The following EML6 variants were observed in gnomAD, a reference collection of about 807,000 sequenced individuals.
The protein encoded by EML6 is echinoderm microtubule-associated protein-like 6.
A neutral mutation model predicts 240.1 loss-of-function variants in EML6; 154 were observed. The observed-to-expected ratio is 0.64, with a 90% confidence interval of 0.56 to 0.73. EML6 has a LOEUF of 0.73. Among genes scored for constraint, EML6 ranks in the 30% least tolerant of loss-of-function variants. The pLI is 0.00. For synonymous variants in EML6, 1,148 were observed against 899.0 expected (o/e 1.28, Z -4.95); for missense variants, 2,964 against 2,474.6 (o/e 1.20, Z -4.20).
intron 16 of EML6, among the ~76,000 whole-genome samples, chr2:54,873,093 T>C (rs1253313644): frequency 6.6e-6 from 1 of 152,250 alleles, no homozygotes; most frequent in East Asian, 1.9e-4. Flanking sequence ...TTCTGCTTAA[T>C]GCACTTTGTC....
Position 54,844,265 on chromosome 2 carries a change from G to A in EML6, c.1049+17G>A, listed in dbSNP as rs1341442003. ...CTCTGTCAGGTGAGGCCCTACCGCC[G>A]TCACCTCTCTGACTTCTTTGAGATG... On this transcript the variant is annotated intron_variant, in intron 8 of 41. Coordinates refer to ENST00000356458, the MANE Select transcript of EML6 (RefSeq NM_001039753.4). The A allele has an allele frequency of 7.1e-6, 11 of 1,543,938 alleles. No homozygotes were observed. Among genetic ancestry groups the A allele is most frequent in the East Asian group, 4.9e-5 (2 of 40,882 alleles).
Position 54,883,704 on chromosome 2 carries a change from T to G in EML6, c.2438+4064T>G, listed in dbSNP as rs145392932. On this transcript the variant is annotated intron_variant, in intron 17 of 41. Coordinates refer to ENST00000356458, the MANE Select transcript of EML6 (RefSeq NM_001039753.4). The stretch of plus-strand genomic sequence containing the variant: ...TCTGACAAACTCTTTGTATTTTGTT[T>G]TGCTTACACATACACACATGCACAT... Among the ~76,000 whole-genome samples the G allele has an allele frequency of 3.3e-3, 508 of 152,288 alleles. 3 individuals carry two copies. Among genetic ancestry groups the G allele is most frequent in the African/African-American group, 0.012 (483 of 41,554 alleles).
rs1490913208 is a variant in EML6 at position 54,853,868 on chromosome 2, G to C, written c.1657+13G>C. The C allele has an allele frequency of 6.6e-7, 1 of 1,525,242 alleles. No homozygotes were observed. The highest frequency in any genetic ancestry group is 8.9e-7 in the Non-Finnish European group (1 of 1,123,986). 94.5% of individuals were successfully genotyped at this position (1,525,242 alleles called of 1,614,324 possible). On this transcript the variant is annotated intron_variant, in intron 11 of 41. Coordinates refer to ENST00000356458, the MANE Select transcript of EML6 (RefSeq NM_001039753.4). ...TGTCTCAAGAGAGGTAAGGCCAAAA[G>C]AGATGTTTCATTGCATAAAGATTTA...
chr2:54,892,478 G>T lies in EML6; in HGVS notation c.2564G>T (p.Gly855Val). ...GGTGGGGGCTTCACTTCTAAAAGAGGAACTTTTGGAAGCGTTGGAAAATTG... is the reference window on the plus strand; with the variant it reads ...GGTGGGGGCTTCACTTCTAAAAGAGTAACTTTTGGAAGCGTTGGAAAATTG... ...QAGGGFTSKR[G>V]TFGSVGKLET... The change falls in exon 19 of 42, where the codon GGA becomes GTA. Residue 855 changes from glycine (G) to valine (V), a missense_variant. Coordinates refer to ENST00000356458, the MANE Select transcript of EML6 (RefSeq NM_001039753.4). The T allele has an allele frequency of 6.4e-7, 1 of 1,551,220 alleles. No homozygotes were observed. Among genetic ancestry groups the T allele is most frequent in the Non-Finnish European group, 8.7e-7 (1 of 1,146,614 alleles).
chr2:54,771,781 G>A (rs1310243780), intron 2 of EML6, among the ~76,000 whole-genome samples: 4 of 152,126 alleles, frequency 2.6e-5, no homozygotes, highest in African/African-American at 9.7e-5. Flanking sequence ...TTATACACTG[G>A]GCAGCAAAAC....
chr2:54,733,511 C>T (rs984416877), intron 2 of EML6, among the ~76,000 whole-genome samples: 9 of 152,158 alleles, frequency 5.9e-5, no homozygotes, highest in Non-Finnish European at 1.0e-4. Flanking sequence ...CACAGTATCA[C>T]GCAGCTATTC....
At chr2:54,912,884 CT>C (rs1310027388) in intron 25 of EML6, among the ~76,000 whole-genome samples, 10 of 152,050 alleles carry the variant, frequency 6.6e-5, no homozygotes, top group African/African-American at 2.2e-4. Context: ...GTACATGTGT[CT>C]TTTTGGTAGA....
intron 32 of EML6, among the ~76,000 whole-genome samples, chr2:54,954,425 CCCT>C (rs1188896073): frequency 1.3e-5 from 2 of 152,150 alleles, no homozygotes; most frequent in African/African-American, 4.8e-5. Flanking sequence ...ATGTTGGCAG[CCCT>C]CCTCCTCGGA....
intron 2 of EML6, among the ~76,000 whole-genome samples, chr2:54,748,586 A>G (rs900144531): frequency 3.3e-5 from 5 of 151,938 alleles, no homozygotes; most frequent in Admixed American, 6.6e-5. Context: ...AGGGAACAGG[A>G]TTGCACTCTG....
At chr2:54,944,609 C>T (rs1287464411) in intron 28 of EML6, among the ~76,000 whole-genome samples, 1 of 152,122 alleles carries the variant, frequency 6.6e-6, no homozygotes, top group East Asian at 1.9e-4. Flanking sequence ...CCTAAAATAG[C>T]CAAGTCTAAG....
intron 28 of EML6, among the ~76,000 whole-genome samples, chr2:54,932,320 C>T (rs1674906147): frequency 6.6e-6 from 1 of 152,198 alleles, no homozygotes; most frequent in Non-Finnish European, 1.5e-5. Flanking sequence ...GCTCAGCTGC[C>T]ACGTGTGGTG....
chr2:54,802,426 G>C (rs1670202291), intron 2 of EML6, among the ~76,000 whole-genome samples: 1 of 151,940 alleles, frequency 6.6e-6, no homozygotes, highest in Non-Finnish European at 1.5e-5. Flanking sequence ...AGGAGTTTGA[G>C]ACAAGCCTGG....
intron 2 of EML6, among the ~76,000 whole-genome samples, chr2:54,788,914 G>A (rs1292128526): frequency 1.3e-5 from 2 of 152,148 alleles, no homozygotes; most frequent in African/African-American, 2.4e-5. Flanking sequence ...TAGACTTAAC[G>A]CTGAATCCAA....
At chr2:54,947,672 C>T (rs1675757601) in intron 28 of EML6, among the ~76,000 whole-genome samples, 1 of 152,210 alleles carries the variant, frequency 6.6e-6, no homozygotes, top group African/African-American at 2.4e-5. Flanking sequence ...AAGTTTCTCC[C>T]CAGCACACTC....
chr2:54,808,223 G>A (rs1020437234), intron 2 of EML6, among the ~76,000 whole-genome samples: 1 of 152,218 alleles, frequency 6.6e-6, no homozygotes, highest in Non-Finnish European at 1.5e-5. Flanking sequence ...GAAGTGCTAA[G>A]CGCATCTCTT....
At chr2:54,823,871 T>A (rs944624275) in intron 5 of EML6, among the ~76,000 whole-genome samples, 9 of 148,092 alleles carry the variant, frequency 6.1e-5, no homozygotes, top group Admixed American at 5.4e-4. Context: ...TCTCTCTCTC[T>A]CTCTCTTTCT....
chr2:54,852,102 C>T, intron 10 of EML6, among the ~76,000 whole-genome samples: 1 of 152,172 alleles, frequency 6.6e-6, no homozygotes, highest in Non-Finnish European at 1.5e-5. Flanking sequence ...TCCTTATTTA[C>T]TTGGATTGTT....
chr2:54,916,829 A>G lies in EML6; in HGVS notation c.3569A>G (p.His1190Arg), dbSNP rs1024516228. 1.9e-6 allele frequency: 3 copies of G among 1,550,706 alleles called. No individual in the cohort carries two copies. The African/African-American group carries it at 4.1e-5, about 21-fold the overall frequency. Reference sequence around the variant, plus strand: ...ACCTGTGAGGGAATCTGGCCAGCACATAGCGATATAACTGACGTAAATGCT... The same window carrying G: ...ACCTGTGAGGGAATCTGGCCAGCACGTAGCGATATAACTGACGTAAATGCT... ...GPTCEGIWPA[H>R]SDITDVNAAS... Residue 1190 changes from histidine (H) to arginine (R), a missense_variant, in exon 26 of 42, where the codon CAT becomes CGT. By Grantham distance (29) the His-to-Arg change is conservative. Coordinates refer to ENST00000356458, the MANE Select transcript of EML6 (RefSeq NM_001039753.4).
At chr2:54,832,294 G>T (rs1489458950) in intron 7 of EML6, among the ~76,000 whole-genome samples, 2 of 152,204 alleles carry the variant, frequency 1.3e-5, no homozygotes, top group African/African-American at 2.4e-5. Context: ...CCTCTCTAAG[G>T]TGCTCTGTTG....
Sources: gnomAD v4.1 joint callset for allele counts (sites outside exome capture counted in the v4.1 genomes callset) on GRCh38, gnomAD v4.1.1 for gene constraint, MANE v1.5 for transcripts, NCBI Gene and HGNC (gene_info 2026-07-23, HGNC 2026-07-21) for gene names.